Variants in ZMAT4 observed in about 807,000 individuals in gnomAD.
ZMAT4 encodes zinc finger matrin-type 4, also known as zinc finger matrin-type protein 4.
A neutral mutation model predicts 28.7 loss-of-function variants in ZMAT4; 17 were observed. The observed-to-expected ratio is 0.59, with a 90% CI of 0.41 to 0.89. The LOEUF (loss-of-function observed/expected upper bound fraction) is 0.89, where lower values mean the gene tolerates loss of function less well. Among genes scored for constraint, ZMAT4 ranks in the 40% least tolerant of loss-of-function variants. ZMAT4 has a pLI of 0.00. For missense variants in ZMAT4, 240 were observed against 283.8 expected (o/e 0.85, Z 1.11); for synonymous variants, 117 against 109.2 (o/e 1.07, Z -0.44).
intron 5 of ZMAT4, among the ~76,000 whole-genome samples, chr8:40,622,976 A>G (rs551373319): frequency 2.6e-5 from 4 of 152,256 alleles, no homozygotes; most frequent in African/African-American, 9.6e-5. Flanking sequence ...TGTGAGTCCA[A>G]AAGGTTAGAT....
intron 3 of ZMAT4, among the ~76,000 whole-genome samples, chr8:40,763,342 T>G (rs968429511): frequency 1.3e-5 from 2 of 152,216 alleles, no homozygotes; most frequent in Non-Finnish European, 2.9e-5. Flanking sequence ...CTCTGTCAAG[T>G]ACTAGCTGGG....
At position 40,795,112 on chromosome 8, in the gene ZMAT4, A is replaced by G. The variant is rs148176679; in HGVS notation, c.103-27382T>C. On this transcript the variant is annotated intron_variant, in intron 2 of 6. Coordinates refer to ENST00000297737, the MANE Select transcript of ZMAT4 (RefSeq NM_024645.3). ...TATTCTATGATCCTGGCATTATGGT[A>G]TAACTCCCCAGACCCTAGTCTAATC... is the stretch of plus-strand genomic sequence containing the variant. 3.9e-3 allele frequency among the ~76,000 whole-genome samples: 593 copies of G among 152,284 alleles called. 2 individuals carry two copies. Among genetic ancestry groups the G allele is most frequent in the African/African-American group, 0.013 (550 of 41,568 alleles).
chr8:40,885,831 A>T (rs1439786320), intron 1 of ZMAT4, among the ~76,000 whole-genome samples: 1 of 152,190 alleles, frequency 6.6e-6, no homozygotes. Context: ...TCTCTGCCTA[A>T]GTGGCATGTA....
intron 5 of ZMAT4, among the ~76,000 whole-genome samples, chr8:40,589,857 CCT>C (rs1341974037): frequency 1.4e-5 from 2 of 145,786 alleles, no homozygotes; most frequent in African/African-American, 5.1e-5. Context: ...TTCCTTTCTT[CCT>C]CTCTCTCCCG....
chr8:40,732,772 G>T (rs1198138208), intron 3 of ZMAT4, among the ~76,000 whole-genome samples: 1 of 143,976 alleles, frequency 6.9e-6, no homozygotes, highest in East Asian at 2.2e-4. Context: ...ACTGTGGGAA[G>T]AAGAAAAAGG....
At chr8:40,652,263 G>A (rs1028247307) in intron 5 of ZMAT4, among the ~76,000 whole-genome samples, 2 of 106,002 alleles carry the variant, frequency 1.9e-5, no homozygotes, top group Non-Finnish European at 4.1e-5. Flanking sequence ...CCATCAAAAA[G>A]TGGGTGAAGG....
chr8:40,664,657 A>T (rs1190530111), intron 5 of ZMAT4, among the ~76,000 whole-genome samples: 1 of 152,214 alleles, frequency 6.6e-6, no homozygotes, highest in African/African-American at 2.4e-5. Context: ...TCAAGGCAGA[A>T]TCACTGAGCC....
At chr8:40,837,231 C>G (rs1227344910) in intron 1 of ZMAT4, among the ~76,000 whole-genome samples, 1 of 152,180 alleles carries the variant, frequency 6.6e-6, no homozygotes, top group African/African-American at 2.4e-5. Context: ...CCTTAAAAAC[C>G]TGCTGTTTGA....
intron 1 of ZMAT4, among the ~76,000 whole-genome samples, chr8:40,828,979 G>GT (rs1816178582): frequency 6.6e-6 from 1 of 151,880 alleles, no homozygotes; most frequent in African/African-American, 2.4e-5. Flanking sequence ...AAAATTTCCA[G>GT]TTTTTTAGCC....
chr8:40,618,671 A>T (rs1051236714), intron 5 of ZMAT4, among the ~76,000 whole-genome samples: 4 of 151,798 alleles, frequency 2.6e-5, no homozygotes, highest in Admixed American at 2.0e-4. Context: ...AAAAAAAAAA[A>T]AAGAAATGAC....
chr8:40,553,175 GCCT>G (rs1019182151), intron 6 of ZMAT4, among the ~76,000 whole-genome samples: 1 of 152,122 alleles, frequency 6.6e-6, no homozygotes, highest in Admixed American at 6.5e-5. Flanking sequence ...TGGAACAGAG[GCCT>G]CCTGCCCACA....
chr8:40,714,378 T>C (rs1810755494), intron 3 of ZMAT4, among the ~76,000 whole-genome samples: 1 of 152,240 alleles, frequency 6.6e-6, no homozygotes, highest in Admixed American at 6.5e-5. Flanking sequence ...TGTTGTGTAT[T>C]CATTATTAAA....
chr8:40,665,680 A>G (rs542476446), intron 5 of ZMAT4, among the ~76,000 whole-genome samples: 1 of 152,318 alleles, frequency 6.6e-6, no homozygotes, highest in South Asian at 2.1e-4. Context: ...CACAAAAAAT[A>G]TTCAAGTCTC....
chr8:40,580,038 A>T (rs1328031075), intron 6 of ZMAT4, among the ~76,000 whole-genome samples: 1 of 142,456 alleles, frequency 7.0e-6, no homozygotes, highest in Non-Finnish European at 1.5e-5. Flanking sequence ...TTTGAGACGA[A>T]GTCCTGCTTT....
intron 5 of ZMAT4, among the ~76,000 whole-genome samples, chr8:40,641,148 A>T (rs1324933752): frequency 6.6e-6 from 1 of 152,176 alleles, no homozygotes; most frequent in Admixed American, 6.5e-5. Context: ...TATGTGTCAA[A>T]TATGTCCAAT....
intron 2 of ZMAT4, among the ~76,000 whole-genome samples, chr8:40,769,263 G>T (rs887797204): frequency 9.9e-5 from 15 of 151,912 alleles, no homozygotes; most frequent in South Asian, 4.2e-4. Flanking sequence ...AGTTTTTTTT[G>T]TTTGTTTGTT....
intron 2 of ZMAT4, chr8:40,786,871 A>T (rs981230571): frequency 1.1e-5 from 5 of 464,048 alleles, no homozygotes; most frequent in Non-Finnish European, 1.5e-5. Context: ...CACAAAGAGT[A>T]ACTAGAATGT....
intron 5 of ZMAT4, among the ~76,000 whole-genome samples, chr8:40,672,933 G>A (rs1261942034): frequency 2.0e-5 from 3 of 152,192 alleles, no homozygotes; most frequent in African/African-American, 7.2e-5. Context: ...GAAATAGGAA[G>A]CACCAAGTTG....
chr8:40,767,158 AGG>A (rs1813193951), intron 3 of ZMAT4, among the ~76,000 whole-genome samples: 1 of 152,208 alleles, frequency 6.6e-6, no homozygotes, highest in African/African-American at 2.4e-5. Flanking sequence ...GTTCCTTCAG[AGG>A]GAGGGATCAA....
Sources: gnomAD v4.1 joint callset for allele counts (sites outside exome capture counted in the v4.1 genomes callset) on GRCh38, gnomAD v4.1.1 for gene constraint, MANE v1.5 for transcripts, NCBI Gene and HGNC (gene_info 2026-07-23, HGNC 2026-07-21) for gene names.